Variants in FGF14 observed in about 807,000 individuals in gnomAD.
FGF14 encodes the protein fibroblast growth factor 14, also known as fibroblast growth factor homologous factor 4.
FGF14 carries 5 observed loss-of-function variants against 25.5 expected under a neutral mutation model. The ratio of observed to expected loss-of-function variants is 0.20; its 90% CI spans 0.10 to 0.41. FGF14 has a LOEUF of 0.41. FGF14 is among the 10% of genes least tolerant of loss of function. The pLI is 1.00. For missense variants in FGF14, 222 were observed against 320.1 expected, an observed-to-expected ratio of 0.69 and a Z score of 2.34; for synonymous variants, 138 against 118.3, an observed-to-expected ratio of 1.17 and a Z score of -1.08.
intron 1 of FGF14, among the ~76,000 whole-genome samples, chr13:102,045,675 TGATC>T (rs1404010308): frequency 6.6e-6 from 1 of 152,198 alleles, no homozygotes; most frequent in African/African-American, 2.4e-5. Context: ...TAATCATATT[TGATC>T]CCTGATACAG....
Position 101,714,513 on chromosome 13 carries a change from A to T in FGF14, c.*8318T>A. 1 of 1,611,558 alleles carries T rather than the reference A, an allele frequency of 6.2e-7. No homozygotes were observed. The highest frequency in any genetic ancestry group is 8.5e-7 in the Non-Finnish European group (1 of 1,177,756). On this transcript the variant is annotated 3_prime_UTR_variant, in exon 5 of 5. Coordinates refer to ENST00000376143, the MANE Select transcript of FGF14 (RefSeq NM_004115.4). The stretch of plus-strand genomic sequence containing the variant: ...TCTGGGGAGTTCTGTGACTGTGATG[A>T]CAGAGACTGCGACAAACATGATGGT...
At chr13:101,980,929 G>C (rs1341766011) in intron 1 of FGF14, among the ~76,000 whole-genome samples, 1 of 152,132 alleles carries the variant, frequency 6.6e-6, no homozygotes, top group Non-Finnish European at 1.5e-5. Context: ...CTCCTCAACG[G>C]AGTAAGTACT....
At chr13:102,133,028 A>T (rs146438122) in intron 1 of FGF14, among the ~76,000 whole-genome samples, 1 of 152,264 alleles carries the variant, frequency 6.6e-6, no homozygotes, top group East Asian at 1.9e-4. Context: ...AAACCATCAA[A>T]ACTGAAAGCC....
chr13:102,049,030 G>A (rs570746935), intron 1 of FGF14, among the ~76,000 whole-genome samples: 4 of 151,732 alleles, frequency 2.6e-5, no homozygotes, highest in Middle Eastern at 3.4e-3. Flanking sequence ...ATTATGATAC[G>A]AAATAAAAAA....
intron 3 of FGF14, among the ~76,000 whole-genome samples, chr13:101,740,338 T>G (rs1026658985): frequency 6.6e-6 from 1 of 152,130 alleles, no homozygotes; most frequent in Non-Finnish European, 1.5e-5. Flanking sequence ...AGATACAAAT[T>G]TGGAAAGGCT....
intron 1 of FGF14, among the ~76,000 whole-genome samples, chr13:102,162,925 G>C (rs753488488): frequency 1.3e-5 from 2 of 152,106 alleles, no homozygotes; most frequent in Non-Finnish European, 2.9e-5. Flanking sequence ...TTTGTATGTA[G>C]GTTAGTAGCA....
At chr13:101,733,062 TATAAA>T (rs2035917103) in intron 3 of FGF14, among the ~76,000 whole-genome samples, 1 of 152,170 alleles carries the variant, frequency 6.6e-6, no homozygotes, top group African/African-American at 2.4e-5. Context: ...TAAGATTACT[TATAAA>T]GAAAAGAATA....
At position 101,985,877 on chromosome 13, in the gene FGF14, GCTT is replaced by G. The variant is rs200178116; in HGVS notation, c.209-110584_209-110582del. On this transcript the variant is annotated intron_variant, in intron 1 of 4. Transcript: ENST00000376131. Reference sequence around the variant, plus strand: ...TTCTTAAAAAAAAGTTCTCAAAATAGCTTCTTATTAGGCTAAGCCATATTTACC... The same window carrying G: ...TTCTTAAAAAAAAGTTCTCAAAATAGCTTATTAGGCTAAGCCATATTTACC... Among the ~76,000 whole-genome samples, 903 of 152,064 alleles carry G rather than the reference GCTT, an allele frequency of 5.9e-3. 9 individuals carry two copies. Among genetic ancestry groups the G allele is most frequent in the African/African-American group, 0.02 (846 of 41,522 alleles).
At position 102,098,366 on chromosome 13, in the gene FGF14, G is replaced by T. The variant is rs150068261; in HGVS notation, c.209-223070C>A. Reference sequence around the variant, plus strand: ...ATACCTAGACGATCTCTTAAGATTTGTATCTTACAAAGGATCTATCATTTT... The same window carrying T: ...ATACCTAGACGATCTCTTAAGATTTTTATCTTACAAAGGATCTATCATTTT... On this transcript the variant is annotated intron_variant, in intron 1 of 4. Transcript: ENST00000376131. Among the ~76,000 whole-genome samples, 36 of 152,252 alleles carry T rather than the reference G, an allele frequency of 2.4e-4. No individual in the cohort carries two copies. In the East Asian group the frequency reaches 6.9e-3, roughly 29 times the overall value.
chr13:102,105,016 A>G (rs1343305595), intron 1 of FGF14, among the ~76,000 whole-genome samples: 1 of 152,238 alleles, frequency 6.6e-6, no homozygotes, highest in East Asian at 1.9e-4. Flanking sequence ...CAGGATACAC[A>G]GCAAAATATG....
intron 1 of FGF14, among the ~76,000 whole-genome samples, chr13:102,226,730 T>C (rs946162002): frequency 6.6e-6 from 1 of 152,182 alleles, no homozygotes; most frequent in Non-Finnish European, 1.5e-5. Context: ...AATTACCACT[T>C]TGATTATGAT....
intron 1 of FGF14, among the ~76,000 whole-genome samples, chr13:101,963,866 A>G (rs568303037): frequency 6.6e-6 from 1 of 152,294 alleles, no homozygotes; most frequent in African/African-American, 2.4e-5. Context: ...AGTACTTAGT[A>G]TAAGGCAGGA....
At chr13:102,166,280 ATTT>A (rs1303115797) in intron 1 of FGF14, among the ~76,000 whole-genome samples, 13 of 151,936 alleles carry the variant, frequency 8.6e-5, no homozygotes, top group African/African-American at 2.7e-4. Context: ...TTTATTTTAT[ATTT>A]AGTTTTATTA....
chr13:101,884,863 A>AT (rs1485603778), intron 1 of FGF14, among the ~76,000 whole-genome samples: 22 of 146,904 alleles, frequency 1.5e-4, no homozygotes, highest in Non-Finnish European at 2.5e-4. Flanking sequence ...ACACAGACAC[A>AT]TACATACACA....
intron 1 of FGF14, among the ~76,000 whole-genome samples, chr13:101,966,278 A>C (rs751616317): frequency 6.6e-5 from 10 of 152,210 alleles, no homozygotes; most frequent in Non-Finnish European, 1.3e-4. Flanking sequence ...TTATGCAAAA[A>C]GAACACCATG....
intron 1 of FGF14, among the ~76,000 whole-genome samples, chr13:102,372,004 A>T (rs2057899527): frequency 6.6e-6 from 1 of 152,182 alleles, no homozygotes; most frequent in African/African-American, 2.4e-5. Flanking sequence ...AGTTCTTGGG[A>T]TCAGATAAGT....
intron 1 of FGF14, among the ~76,000 whole-genome samples, chr13:101,896,581 A>T (rs1222633595): frequency 6.6e-6 from 1 of 152,204 alleles, no homozygotes; most frequent in Admixed American, 6.5e-5. Context: ...AACAGCGGGG[A>T]ATCTGAGTGG....
At chr13:102,308,851 G>A (rs2055552627) in intron 1 of FGF14, among the ~76,000 whole-genome samples, 1 of 147,870 alleles carries the variant, frequency 6.8e-6, no homozygotes, top group Non-Finnish European at 1.5e-5. Context: ...GTTATTGGGG[G>A]CAGAAGATGG....
intron 3 of FGF14, among the ~76,000 whole-genome samples, chr13:101,734,279 A>T (rs2036023302): frequency 6.6e-6 from 1 of 152,232 alleles, no homozygotes; most frequent in African/African-American, 2.4e-5. Flanking sequence ...GCTGTCAATT[A>T]AATTGACATT....
Sources: gnomAD v4.1 joint callset for allele counts (sites outside exome capture counted in the v4.1 genomes callset) on GRCh38, gnomAD v4.1.1 for gene constraint, MANE v1.5 for transcripts, NCBI Gene and HGNC (gene_info 2026-07-23, HGNC 2026-07-21) for gene names.